The following ANKRD12 variants were observed in gnomAD, a reference collection of about 807,000 sequenced individuals.
ANKRD12 encodes ankyrin repeat domain-containing protein 12.
A neutral mutation model predicts 183.4 loss-of-function variants in ANKRD12; 85 were observed. The observed-to-expected ratio is 0.46, with a 90% CI of 0.39 to 0.56. ANKRD12 has a LOEUF of 0.56. Ranked by LOEUF, ANKRD12 falls within the 20% of genes least tolerant of loss-of-function variation. The pLI is 0.00. For synonymous variants in ANKRD12, 914 were observed against 800.2 expected (o/e 1.14, Z -2.40); for missense variants, 2,405 against 2,357.1 (o/e 1.02, Z -0.42).
At chr18:9,199,930 C>A (rs1247945021) in intron 3 of ANKRD12, among the ~76,000 whole-genome samples, 1 of 152,070 alleles carries the variant, frequency 6.6e-6, no homozygotes, top group South Asian at 2.1e-4. Context: ...TTACTTCCTT[C>A]TTGGTCCTTT....
At chr18:9,165,642 A>G (rs2031959272) in intron 1 of ANKRD12, among the ~76,000 whole-genome samples, 2 of 152,112 alleles carry the variant, frequency 1.3e-5, no homozygotes, top group Admixed American at 1.3e-4. Context: ...CACTTGGCAT[A>G]ATGTCTTCAG....
At chr18:9,223,346 C>T (rs1443815786) in intron 8 of ANKRD12, among the ~76,000 whole-genome samples, 4 of 151,750 alleles carry the variant, frequency 2.6e-5, no homozygotes, top group South Asian at 2.1e-4. Context: ...CTCCGCCTCC[C>T]GGGTTCATGC....
At chr18:9,273,273 G>T (rs1231010596) in intron 10 of ANKRD12, among the ~76,000 whole-genome samples, 1 of 152,172 alleles carries the variant, frequency 6.6e-6, no homozygotes, top group Non-Finnish European at 1.5e-5. Flanking sequence ...GTCATATTAT[G>T]AACCTTGTGG....
intron 10 of ANKRD12, among the ~76,000 whole-genome samples, chr18:9,270,856 A>G (rs1484733620): frequency 6.6e-6 from 1 of 152,228 alleles, no homozygotes; most frequent in Admixed American, 6.5e-5. Context: ...CCAATAAACA[A>G]TTTAGAATTG....
At chr18:9,187,330 A>T (rs1304874611) in intron 2 of ANKRD12, among the ~76,000 whole-genome samples, 1 of 152,072 alleles carries the variant, frequency 6.6e-6, no homozygotes, top group African/African-American at 2.4e-5. Context: ...AAGTAGAAGG[A>T]TTGCTTTAAG....
Position 9,258,019 on chromosome 18 carries a change from G to A in ANKRD12, c.4752G>A (p.Val1584=). ...TTGAGAAAGCTTATACTTTACCTGT[G>A]TTACCATCAGAAAAGGACTTTAATG... ...PNFEKAYTLP[V]LPSEKDFNGS... is the part of the protein sequence containing the mutation. The change falls in exon 9 of 13, where the codon GTG becomes GTA. Residue 1584 remains valine, a synonymous_variant. Transcript: ENST00000262126. The A allele has an allele frequency of 6.2e-7, 1 of 1,613,708 alleles. No homozygotes were observed. The highest frequency in any genetic ancestry group is 8.5e-7 in the Non-Finnish European group (1 of 1,179,950).
At chr18:9,249,037 A>G (rs2038128699) in intron 8 of ANKRD12, among the ~76,000 whole-genome samples, 1 of 152,212 alleles carries the variant, frequency 6.6e-6, no homozygotes, top group Non-Finnish European at 1.5e-5. Flanking sequence ...TAATTTCTTG[A>G]TATCTTAATA....
intron 1 of ANKRD12, among the ~76,000 whole-genome samples, chr18:9,171,884 G>T (rs114886603): frequency 0.077 from 11,647 of 152,028 alleles, 636 homozygotes; most frequent in African/African-American, 0.15. Flanking sequence ...GCTGGGTGTG[G>T]TGGCATACAC....
intron 1 of ANKRD12, among the ~76,000 whole-genome samples, chr18:9,156,159 A>G (rs1317446107): frequency 6.9e-6 from 1 of 145,416 alleles, no homozygotes; most frequent in African/African-American, 2.5e-5. Flanking sequence ...AAAAAAAGAA[A>G]AAGACTTTTG....
At chr18:9,186,984 A>G (rs1048326140) in intron 2 of ANKRD12, among the ~76,000 whole-genome samples, 1 of 151,570 alleles carries the variant, frequency 6.6e-6, no homozygotes, top group African/African-American at 2.4e-5. Flanking sequence ...AATGGTCTCA[A>G]TCTCCTGACC....
intron 1 of ANKRD12, among the ~76,000 whole-genome samples, chr18:9,157,571 G>A (rs866657922): frequency 5.5e-5 from 6 of 108,590 alleles, no homozygotes; most frequent in African/African-American, 2.9e-4. Flanking sequence ...GTGTGTGTGT[G>A]TGTGTGTGTG....
intron 2 of ANKRD12, among the ~76,000 whole-genome samples, chr18:9,192,359 T>C (rs762004827): frequency 1.3e-5 from 2 of 152,236 alleles, no homozygotes; most frequent in Non-Finnish European, 2.9e-5. Flanking sequence ...AGAGGTTTTC[T>C]ATCAGTGAAC....
intron 2 of ANKRD12, among the ~76,000 whole-genome samples, chr18:9,193,400 C>T (rs1215468228): frequency 6.6e-6 from 1 of 152,144 alleles, no homozygotes; most frequent in African/African-American, 2.4e-5. Flanking sequence ...CCCACCTCTG[C>T]CTCCCAAAGT....
At chr18:9,278,904 A>G (rs1301850681) in intron 11 of ANKRD12, among the ~76,000 whole-genome samples, 1 of 152,164 alleles carries the variant, frequency 6.6e-6, no homozygotes, top group African/African-American at 2.4e-5. Flanking sequence ...GTACCTAAGC[A>G]TTATGATGAG....
At chr18:9,170,108 G>A (rs1445121425) in intron 1 of ANKRD12, among the ~76,000 whole-genome samples, 1 of 152,208 alleles carries the variant, frequency 6.6e-6, no homozygotes, top group Admixed American at 6.5e-5. Context: ...GCTTGCCTTT[G>A]TGGGTAACCC....
At chr18:9,230,699 C>T (rs1051907854) in intron 8 of ANKRD12, among the ~76,000 whole-genome samples, 1 of 151,430 alleles carries the variant, frequency 6.6e-6, no homozygotes, top group African/African-American at 2.4e-5. Context: ...AGCTCTGTTG[C>T]CCAGGCTTGA....
intron 8 of ANKRD12, among the ~76,000 whole-genome samples, chr18:9,251,259 C>T (rs992511571): frequency 2.0e-5 from 3 of 152,092 alleles, no homozygotes; most frequent in Non-Finnish European, 2.9e-5. Flanking sequence ...CCGCATCAGC[C>T]ACATCTGCTT....
intron 1 of ANKRD12, among the ~76,000 whole-genome samples, chr18:9,140,668 C>A (rs905440377): frequency 6.6e-6 from 1 of 152,098 alleles, no homozygotes; most frequent in Non-Finnish European, 1.5e-5. Context: ...TTCGTGTTAT[C>A]TGGTATATCT....
intron 8 of ANKRD12, among the ~76,000 whole-genome samples, chr18:9,230,551 G>T (rs943024578): frequency 1.3e-5 from 2 of 151,632 alleles, no homozygotes; most frequent in Non-Finnish European, 2.9e-5. Context: ...TATCACTATA[G>T]TGTTTATTTA....
Sources: gnomAD v4.1 joint callset for allele counts (sites outside exome capture counted in the v4.1 genomes callset) on GRCh38, gnomAD v4.1.1 for gene constraint, MANE v1.5 for transcripts, NCBI Gene and HGNC (gene_info 2026-07-23, HGNC 2026-07-21) for gene names.